HFM1: variants seen among roughly 807,000 people sequenced by gnomAD.
The protein encoded by HFM1 is helicase for meiosis 1.
In HFM1, 169 loss-of-function variants were observed where a neutral mutation model predicts 192.1. The observed-to-expected ratio is 0.88, with a 90% CI of 0.78 to 1.00. The LOEUF (loss-of-function observed/expected upper bound fraction) is 1.00. Ranked by LOEUF, HFM1 falls within the 50% of genes least tolerant of loss-of-function variation. The probability of loss-of-function intolerance (pLI) is 0.00; values close to 1 mark genes in which losing one functional copy is unlikely to be tolerated. For missense variants in HFM1, 1,661 were observed against 1,668.0 expected, an observed-to-expected ratio of 1.00 and a Z score of 0.07; for synonymous variants, 525 against 537.8, an observed-to-expected ratio of 0.98 and a Z score of 0.33.
chr1:91,389,691 C>A (rs1662694432), intron 4 of HFM1, among the ~76,000 whole-genome samples: 1 of 152,148 alleles, frequency 6.6e-6, no homozygotes. Context: ...ACCACCCAAT[C>A]TACAGTATTT....
At chr1:91,278,777 T>C (rs1002224270) in intron 30 of HFM1, among the ~76,000 whole-genome samples, 1 of 152,066 alleles carries the variant, frequency 6.6e-6, no homozygotes, top group Non-Finnish European at 1.5e-5. Flanking sequence ...AGAAAACACC[T>C]GGGCGGCTGG....
At chr1:91,364,632 A>ATATATATTTT (rs753472335) in intron 13 of HFM1, among the ~76,000 whole-genome samples, 38 of 66,766 alleles carry the variant, frequency 5.7e-4, no homozygotes, top group Non-Finnish European at 7.4e-4. Context: ...ATATATATAT[A>ATATATATTTT]TTTTTTTTTT....
At position 91,343,438 on chromosome 1, in the gene HFM1, T is replaced by C. The variant is rs1347527660; in HGVS notation, c.2327A>G (p.Lys776Arg). The C allele has an allele frequency of 2.2e-6, 3 of 1,389,810 alleles. No homozygotes were observed. The highest frequency in any genetic ancestry group is 3.0e-6 in the Non-Finnish European group (3 of 1,003,848). 86.1% of individuals were successfully genotyped at this position (1,389,810 alleles called of 1,614,324 possible). A position where few individuals can be genotyped will look rare whatever the true frequency, so the allele number is the denominator to read the frequency against. Residue 776 changes from lysine to arginine, a missense_variant, in exon 20 of 39, where the codon AAA becomes AGA. Coordinates refer to ENST00000370425, the MANE Select transcript of HFM1 (RefSeq NM_001017975.6). ...LIKMDEGVNF[K>R]PTEAGRLMAW... The stretch of plus-strand genomic sequence containing the variant: ...CAATGATAAGAAATTACCAGTTGGT[T>C]TGAAATTAACACCTTCATCCATCTT...
chr1:91,302,898 C>T (rs536707077), intron 30 of HFM1, among the ~76,000 whole-genome samples: 5 of 151,700 alleles, frequency 3.3e-5, no homozygotes, highest in African/African-American at 2.4e-5. Context: ...CAAACCCGCA[C>T]GTTGTGCACA....
At chr1:91,329,209 AG>A in intron 20 of HFM1, 3 of 1,609,740 alleles carry the variant, frequency 1.9e-6, no homozygotes, top group Non-Finnish European at 2.5e-6. Context: ...CTCCACAAGG[AG>A]GCTTACCAGC....
intron 30 of HFM1, among the ~76,000 whole-genome samples, chr1:91,311,574 C>T (rs1284907537): frequency 4.0e-5 from 6 of 150,984 alleles, no homozygotes; most frequent in Non-Finnish European, 8.8e-5. Context: ...TGCAGCAAGC[C>T]GAGATCGTGC....
At chr1:91,328,837 C>G in intron 20 of HFM1, 2 of 1,611,088 alleles carry the variant, frequency 1.2e-6, no homozygotes, top group Non-Finnish European at 1.7e-6. Flanking sequence ...GCATCCCTTA[C>G]CTTGATGCAC....
In HFM1 at chr1:91,298,219, G is replaced by A. The variant is rs553148684; in HGVS notation, c.3391+15130C>T. On this transcript the variant is annotated intron_variant, in intron 30 of 38. Coordinates refer to ENST00000370425, the MANE Select transcript of HFM1 (RefSeq NM_001017975.6). ...GAAGATCAAATTCATGAAATGAAGCGAGAAGAGAAGTTTAGAGAAAAAAGA... is the reference window on the plus strand; with the variant it reads ...GAAGATCAAATTCATGAAATGAAGCAAGAAGAGAAGTTTAGAGAAAAAAGA... Among the ~76,000 whole-genome samples the A allele has an allele frequency of 7.9e-5, 12 of 152,248 alleles. No individual in the cohort carries two copies. The South Asian group carries it at 1.2e-3, about 16-fold the overall frequency.
At chr1:91,367,984 C>G (rs1409382876) in intron 13 of HFM1, among the ~76,000 whole-genome samples, 2 of 152,084 alleles carry the variant, frequency 1.3e-5, no homozygotes, top group Non-Finnish European at 2.9e-5. Context: ...ATGTGATCAA[C>G]TGGAAGAAAG....
intron 13 of HFM1, among the ~76,000 whole-genome samples, chr1:91,372,154 T>G (rs1239118881): frequency 6.6e-6 from 1 of 152,322 alleles, no homozygotes; most frequent in Non-Finnish European, 1.5e-5. Flanking sequence ...TGTAAACTAG[T>G]TCAACCATTG....
At chr1:91,276,040 C>T (rs1012557129) in intron 32 of HFM1, among the ~76,000 whole-genome samples, 3 of 152,274 alleles carry the variant, frequency 2.0e-5, no homozygotes, top group African/African-American at 7.2e-5. Context: ...TACTGTATTA[C>T]TGAGAAAGAG....
chr1:91,310,299 TAG>T (rs1263148168), intron 30 of HFM1, among the ~76,000 whole-genome samples: 3 of 151,988 alleles, frequency 2.0e-5, no homozygotes, highest in African/African-American at 4.8e-5. Context: ...AAAAAAAAAC[TAG>T]AGAGGTATAG....
chr1:91,296,670 TTAAG>T (rs1240286434), intron 30 of HFM1, among the ~76,000 whole-genome samples: 2 of 152,218 alleles, frequency 1.3e-5, no homozygotes, highest in Admixed American at 6.5e-5. Context: ...GGTATCTTAA[TTAAG>T]TATGTTTTCC....
chr1:91,377,629 C>A, intron 11 of HFM1: 1 of 194,618 alleles, frequency 5.1e-6, no homozygotes, highest in Non-Finnish European at 1.0e-5. Context: ...ACCACAATGC[C>A]AAGCATACAG....
At chr1:91,347,393 T>C (rs553992082) in intron 19 of HFM1, 36 bp downstream of exon 19, 13 of 1,254,716 alleles carry the variant, frequency 1.0e-5, no homozygotes, top group Middle Eastern at 2.0e-4. Flanking sequence ...CACTAAAATA[T>C]ATAGAATCTA....
In HFM1 at chr1:91,283,588, G is replaced by A. The variant is rs139705867; in HGVS notation, c.3392-6526C>T. Among the ~76,000 whole-genome samples the A allele has an allele frequency of 2.5e-3, 386 of 152,264 alleles. 1 individual carries two copies. Among genetic ancestry groups the A allele is most frequent in the Non-Finnish European group, 4.1e-3 (281 of 68,030 alleles). On this transcript the variant is annotated intron_variant, in intron 30 of 38. Coordinates refer to ENST00000370425, the MANE Select transcript of HFM1 (RefSeq NM_001017975.6). ...TCTTAAGTATACTCTAAAGATAGCA[G>A]ATTCCATATTCCATCACTGTCATAA...
intron 21 of HFM1, among the ~76,000 whole-genome samples, chr1:91,323,649 G>A (rs1243305519): frequency 6.6e-6 from 1 of 152,094 alleles, no homozygotes; most frequent in Non-Finnish European, 1.5e-5. Context: ...TAGGAAATTT[G>A]GATTCTAGAG....
intron 30 of HFM1, among the ~76,000 whole-genome samples, chr1:91,311,598 C>T (rs1054806281): frequency 2.6e-5 from 4 of 151,568 alleles, no homozygotes; most frequent in Admixed American, 1.3e-4. Flanking sequence ...TGCACTCCAG[C>T]CTGGGTGACA....
chr1:91,367,971 C>T (rs1659611803), intron 13 of HFM1, among the ~76,000 whole-genome samples: 1 of 152,026 alleles, frequency 6.6e-6, no homozygotes, highest in Non-Finnish European at 1.5e-5. Context: ...GCCTCAGTAG[C>T]CGATGTGATC....
Sources: gnomAD v4.1 joint callset for allele counts (sites outside exome capture counted in the v4.1 genomes callset) on GRCh38, gnomAD v4.1.1 for gene constraint, MANE v1.5 for transcripts, NCBI Gene and HGNC (gene_info 2026-07-23, HGNC 2026-07-21) for gene names.